Variants in CACNA1A observed in about 807,000 individuals in gnomAD.
The protein encoded by CACNA1A is calcium voltage-gated channel subunit alpha1 A.
Under a neutral mutation model 262.4 loss-of-function variants are expected in CACNA1A, and 57 were observed. That is an observed-to-expected ratio of 0.22 (90% CI 0.18 to 0.27). The LOEUF is 0.27. Ranked by LOEUF, CACNA1A falls within the 10% of genes least tolerant of loss-of-function variation. The pLI is 1.00. For synonymous variants in CACNA1A, 1,431 were observed against 1,419.3 expected (o/e 1.01, Z -0.18); for missense variants, 2,526 against 3,562.8 (o/e 0.71, Z 7.41).
At chr19:13,303,914 A>AC (rs2057843650) in intron 15 of CACNA1A, 30 bp from the exon 16 acceptor site, 5 of 1,483,324 alleles carry the variant, frequency 3.4e-6, no homozygotes, top group Non-Finnish European at 4.7e-6. Flanking sequence ...CACACAGCCA[A>AC]CCCCCCTCTC....
In CACNA1A at chr19:13,209,730, G is replaced by A. The variant is rs567377952; in HGVS notation, c.6340-232C>T. 6.6e-5 allele frequency among the ~76,000 whole-genome samples: 10 copies of A among 152,322 alleles called. No homozygotes were observed. In the South Asian group the frequency reaches 2.1e-3, roughly 32 times the overall value. ...CCTGAGGATTCCTCTGTCCCTCAGA[G>A]ACAGGACTGCTCCTTTTGAGCCCAT... On this transcript the variant is annotated intron_variant, in intron 44 of 46. Transcript: ENST00000360228.
At chr19:13,450,283 A>T (rs1372378131) in intron 3 of CACNA1A, 2 of 152,196 alleles carry the variant, frequency 1.3e-5, no homozygotes, top group East Asian at 3.9e-4. Context: ...AACATGTCAG[A>T]TACAGTCCAG....
chr19:13,356,309 T>C (rs1291217957), intron 6 of CACNA1A, among the ~76,000 whole-genome samples: 5 of 152,282 alleles, frequency 3.3e-5, no homozygotes, highest in Non-Finnish European at 5.9e-5. Context: ...CCTCGTGCCT[T>C]GTGAGGTGGG....
At chr19:13,489,426 C>T (rs1255713765) in intron 1 of CACNA1A, among the ~76,000 whole-genome samples, 1 of 152,082 alleles carries the variant, frequency 6.6e-6, no homozygotes, top group Admixed American at 6.5e-5. Flanking sequence ...GTAGCTGGGA[C>T]TACAGGCATG....
rs972958567 is a variant in CACNA1A at position 13,310,635 on chromosome 19, T to C, written c.1668+2034A>G. On this transcript the variant is annotated intron_variant, in intron 12 of 46. Coordinates refer to ENST00000360228, the MANE Select transcript of CACNA1A (RefSeq NM_001127222.2). ...ACATGGGTGAGATTCATTCCTGTTGTTGGGCATGTGGCTGCTGTTGGTGGA... is the reference window on the plus strand; with the variant it reads ...ACATGGGTGAGATTCATTCCTGTTGCTGGGCATGTGGCTGCTGTTGGTGGA... 4.0e-5 allele frequency among the ~76,000 whole-genome samples: 6 copies of C among 150,442 alleles called. No homozygotes were observed. The East Asian group carries it at 1.2e-3, about 29-fold the overall frequency.
chr19:13,247,203 GC>G (rs1485357844), intron 30 of CACNA1A, among the ~76,000 whole-genome samples: 1 of 152,236 alleles, frequency 6.6e-6, no homozygotes, highest in Non-Finnish European at 1.5e-5. Context: ...CCCTGAAGTA[GC>G]CCCTCTACCT....
chr19:13,391,174 C>T (rs111309922), intron 3 of CACNA1A, among the ~76,000 whole-genome samples: 5 of 152,162 alleles, frequency 3.3e-5, no homozygotes, highest in Admixed American at 2.6e-4. Flanking sequence ...CGTGAGCCAC[C>T]GCACCTGGCC....
At chr19:13,435,512 G>A (rs762236402) in intron 3 of CACNA1A, among the ~76,000 whole-genome samples, 19 of 152,158 alleles carry the variant, frequency 1.2e-4, no homozygotes, top group Non-Finnish European at 2.8e-4. Context: ...CCAGAGGTCA[G>A]CAGAGCAGCA....
chr19:13,361,492 G>A (rs756975732), intron 5 of CACNA1A, among the ~76,000 whole-genome samples: 16 of 152,096 alleles, frequency 1.1e-4, no homozygotes, highest in Non-Finnish European at 7.3e-5. Context: ...TGGCATTGTC[G>A]GACAAGAAAA....
chr19:13,215,688 C>G (rs907055538), intron 38 of CACNA1A, among the ~76,000 whole-genome samples: 8 of 150,338 alleles, frequency 5.3e-5, no homozygotes, highest in Non-Finnish European at 1.2e-4. Context: ...GTGATCTCGA[C>G]TCACTGTTAC....
chr19:13,221,210 GT>G (rs1204956053), intron 38 of CACNA1A, among the ~76,000 whole-genome samples: 1 of 22,438 alleles, frequency 4.5e-5, no homozygotes, highest in Non-Finnish European at 7.4e-5. Flanking sequence ...GGTCCCATTT[GT>G]TTTTTCTTTT....
chr19:13,207,775 C>T lies in CACNA1A; in HGVS notation c.7059G>A (p.Arg2353=), dbSNP rs1648380649. Residue 2353 remains arginine, a synonymous_variant, in exon 47 of 47, where the codon CGG becomes CGA. Coordinates refer to ENST00000360228, the MANE Select transcript of CACNA1A (RefSeq NM_001127222.2). The surrounding 1 kb of genome is among the most constrained non-coding windows in gnomAD (Gnocchi z 5.7). ...GPTAEPLAGD[R]PPTGGHSSGR... is the part of the protein sequence containing the mutation. ...CGCTGCTGTGGCCCCCCGTGGGCGG[C>T]CGATCTCCGGCCAGAGGCTCGGCCG... The T allele has an allele frequency of 1.4e-6, 2 of 1,383,324 alleles. No homozygotes were observed. Among genetic ancestry groups the T allele is most frequent in the Admixed American group, 3.6e-5 (1 of 27,962 alleles). 85.7% of individuals were successfully genotyped at this position (1,383,324 alleles called of 1,614,324 possible).
intron 45 of CACNA1A, 60 bp from the exon 46 acceptor site, chr19:13,209,069 T>C: frequency 1.3e-6 from 2 of 1,534,194 alleles, no homozygotes; most frequent in South Asian, 2.4e-5. Flanking sequence ...GTGGGGCAGA[T>C]GCACACACAG....
At chr19:13,321,943 C>A (rs944067671) in intron 10 of CACNA1A, among the ~76,000 whole-genome samples, 1 of 152,040 alleles carries the variant, frequency 6.6e-6, no homozygotes, top group African/African-American at 2.4e-5. Flanking sequence ...TGGGCTCGTG[C>A]CCGTAATCCC....
chr19:13,457,365 G>T (rs75247334), intron 1 of CACNA1A, among the ~76,000 whole-genome samples: 1 of 152,176 alleles, frequency 6.6e-6, no homozygotes, highest in South Asian at 2.1e-4. Context: ...GTGACACACA[G>T]TAACTCCACT....
At chr19:13,486,645 CAG>C (rs1322159706) in intron 1 of CACNA1A, among the ~76,000 whole-genome samples, 1 of 151,824 alleles carries the variant, frequency 6.6e-6, no homozygotes, top group Non-Finnish European at 1.5e-5. Flanking sequence ...TCAAGGATAA[CAG>C]GAGAAGGGGA....
chr19:13,209,862 G>A (rs901405779), intron 44 of CACNA1A, among the ~76,000 whole-genome samples: 1 of 152,112 alleles, frequency 6.6e-6, no homozygotes, highest in African/African-American at 2.4e-5. Flanking sequence ...CCACATCCAG[G>A]GTGCAAACCT....
chr19:13,261,575 G>A lies in CACNA1A; in HGVS notation c.4125C>T (p.Asn1375=), dbSNP rs767026062. 9.3e-6 allele frequency: 15 copies of A among 1,609,426 alleles called. No individual in the cohort carries two copies. In the African/African-American group the frequency reaches 1.5e-4, roughly 16 times the overall value. The stretch of plus-strand genomic sequence containing the variant: ...TGTAGACGATGAGGATGTTGAAGAC[G>A]TTTTTAAGTGAGTTCACCACACAGT... The part of the protein sequence containing the change: ...VFDCVVNSLK[N]VFNILIVYML... The change falls in exon 26 of 47, where the codon AAC becomes AAT. Residue 1375 remains asparagine (N), a synonymous_variant. Transcript: ENST00000360228.
chr19:13,404,314 A>G (rs2059963446), intron 3 of CACNA1A, among the ~76,000 whole-genome samples: 1 of 152,192 alleles, frequency 6.6e-6, no homozygotes, highest in Non-Finnish European at 1.5e-5. Flanking sequence ...CTGAGAGCAG[A>G]GCCAATCCCT....
Sources: allele counts gnomAD v4.1 joint callset (sites outside exome capture counted in the v4.1 genomes callset), GRCh38; gene constraint gnomAD v4.1.1; non-coding constraint Gnocchi (gnomAD v3.1); transcripts MANE v1.5; gene names NCBI Gene and HGNC (gene_info 2026-07-23, HGNC 2026-07-21).